POGZ: variants seen among roughly 807,000 people sequenced by gnomAD.
The protein encoded by POGZ is pogo transposable element derived with ZNF domain, also known as pogo transposable element with ZNF domain.
In POGZ, 17 loss-of-function variants were observed where a neutral mutation model predicts 134.6. That is an observed-to-expected ratio of 0.13 (90% CI 0.09 to 0.19). POGZ has a LOEUF of 0.19. Among genes scored for constraint, POGZ ranks in the 10% least tolerant of loss-of-function variants. The probability of loss-of-function intolerance (pLI) is 1.00; values close to 1 mark genes in which losing one functional copy is unlikely to be tolerated. For missense variants in POGZ, 1,306 were observed against 1,769.7 expected, an observed-to-expected ratio of 0.74 and a Z score of 4.70; for synonymous variants, 693 against 657.1, an observed-to-expected ratio of 1.05 and a Z score of -0.84.
chr1:151,406,610 G>A lies in POGZ; in HGVS notation c.2567C>T (p.Ser856Leu). ...TTGTGAGGTGAGTTTTTGTTACCTT[G>A]AGTGAGCTATCCAAGTGAGTCCTAT... ...LPRGLTWIAH[S>L]RHGQTRDRVH... The change falls in exon 18 of 19, where the codon TCA becomes TTA. Residue 856 changes from serine (S) to leucine (L), a missense_variant. By Grantham distance (145) the Ser-to-Leu change is moderately radical (BLOSUM62 -2). Around this residue, in one of 10 missense-constraint regions of POGZ, gnomAD observed 214 missense variants for 255.5 expected, o/e 0.84. Transcript: ENST00000271715. 6.2e-7 allele frequency: 1 copy of A among 1,610,582 alleles called. No homozygotes were observed. Among genetic ancestry groups the A allele is most frequent in the Non-Finnish European group, 8.5e-7 (1 of 1,179,016 alleles).
intron 3 of POGZ, among the ~76,000 whole-genome samples, chr1:151,437,923 C>T (rs1659896580): frequency 6.6e-6 from 1 of 151,490 alleles, no homozygotes; most frequent in African/African-American, 2.4e-5. Flanking sequence ...TTCAAGAGTT[C>T]CTAGGCTGGG....
intron 1 of POGZ, among the ~76,000 whole-genome samples, chr1:151,445,919 T>C (rs1210647698): frequency 1.3e-5 from 2 of 152,152 alleles, no homozygotes; most frequent in Non-Finnish European, 2.9e-5. Context: ...TGTAGTTTTC[T>C]AGTTATCAAA....
chr1:151,418,392 G>A (rs1035411821), intron 10 of POGZ, among the ~76,000 whole-genome samples: 11 of 151,988 alleles, frequency 7.2e-5, no homozygotes, highest in African/African-American at 2.4e-4. Flanking sequence ...AAAAAAAGTA[G>A]ATCTCATGGA....
Position 151,455,894 on chromosome 1 carries a change from C to CTTTT in POGZ, c.-2+3254_-2+3257dup, listed in dbSNP as rs768038263. Among the ~76,000 whole-genome samples, 383 of 117,346 alleles carry CTTTT rather than the reference C, an allele frequency of 3.3e-3. 2 individuals are homozygous for CTTTT. The highest frequency in any genetic ancestry group is 0.011 in the African/African-American group (331 of 30,376). 77.0% of individuals were successfully genotyped at this position (117,346 alleles called of 152,430 possible). ...AAACTCAACAAACGGTAGTTTCTTT[C>CTTTT]TTTTTTTTTTTTTTTTTTTTTTTTA... On this transcript the variant is annotated intron_variant, in intron 1 of 18. Coordinates refer to ENST00000271715, the MANE Select transcript of POGZ (RefSeq NM_015100.4).
At chr1:151,432,353 G>A (rs1476132743) in intron 3 of POGZ, among the ~76,000 whole-genome samples, 1 of 152,128 alleles carries the variant, frequency 6.6e-6, no homozygotes, top group East Asian at 1.9e-4. Flanking sequence ...TAGGTATGTA[G>A]GTGGCTACTA....
At chr1:151,426,765 C>CT (rs1354383145) in intron 7 of POGZ, 4 of 152,052 alleles carry the variant, frequency 2.6e-5, no homozygotes, top group Admixed American at 1.3e-4. Context: ...TATCATGAAG[C>CT]TTTTTGTCCT....
intron 7 of POGZ, among the ~76,000 whole-genome samples, chr1:151,425,766 C>T (rs1657665366): frequency 6.6e-6 from 1 of 152,158 alleles, no homozygotes; most frequent in South Asian, 2.1e-4. Context: ...AGTTGATGGA[C>T]CTCTGTGTTG....
chr1:151,411,545 C>G, intron 12 of POGZ, 80 bp downstream of exon 12: 2 of 980,374 alleles, frequency 2.0e-6, no homozygotes, highest in Non-Finnish European at 3.1e-6. Context: ...AATTATTTGC[C>G]TAGCTCAGCC....
At chr1:151,435,147 G>A (rs920438531) in intron 3 of POGZ, among the ~76,000 whole-genome samples, 1 of 152,074 alleles carries the variant, frequency 6.6e-6, no homozygotes, top group African/African-American at 2.4e-5. Flanking sequence ...CGATCTGCCC[G>A]CCTCAAGCCT....
intron 1 of POGZ, among the ~76,000 whole-genome samples, chr1:151,456,557 T>A (rs1662798081): frequency 6.6e-6 from 1 of 152,246 alleles, no homozygotes; most frequent in African/African-American, 2.4e-5. Flanking sequence ...TTTTCCTTCA[T>A]GACAACAATC....
At chr1:151,427,701 C>T in intron 7 of POGZ, 122 bp downstream of exon 7, 1 of 709,628 alleles carries the variant, frequency 1.4e-6, no homozygotes, top group Non-Finnish European at 2.3e-6. Flanking sequence ...TCTGTAAGAA[C>T]AAACTACAGC....
In POGZ at chr1:151,406,024, C is replaced by T. The variant is rs774729338; in HGVS notation, c.3011G>A (p.Arg1004His). The change falls in exon 19 of 19, where the codon CGC (arginine) becomes CAC (histidine). Residue 1004 changes from arginine (R) to histidine (H), a missense_variant. Arg to His is a conservative substitution (Grantham distance 29). Transcript: ENST00000271715. ...GGCCTGGAAACGTCGAAGCCAACGGCGAATACGTCGCTGGGGATTTCGGAA... is the reference window on the plus strand; with the variant it reads ...GGCCTGGAAACGTCGAAGCCAACGGTGAATACGTCGCTGGGGATTTCGGAA... ...EHFRNPQRRI[R>H]RWLRRFQASQ... 15 of 1,614,218 alleles carry T rather than the reference C, an allele frequency of 9.3e-6. No individual in the cohort carries two copies. Among genetic ancestry groups the T allele is most frequent in the African/African-American group, 1.3e-5 (1 of 75,052 alleles).
At chr1:151,446,037 G>A (rs191268444) in intron 1 of POGZ, among the ~76,000 whole-genome samples, 9 of 138,010 alleles carry the variant, frequency 6.5e-5, no homozygotes, top group Admixed American at 3.8e-4. Flanking sequence ...ATGGCATACC[G>A]TCTTTCAACT....
Position 151,448,889 on chromosome 1 carries a change from C to T in POGZ, c.-1-6684G>A, listed in dbSNP as rs569616671. 7.2e-4 allele frequency among the ~76,000 whole-genome samples: 109 copies of T among 151,738 alleles called. 1 individual carries two copies. Among genetic ancestry groups the T allele is most frequent in the Admixed American group, 1.8e-3 (27 of 15,152 alleles). On this transcript the variant is annotated intron_variant, in intron 1 of 18. Transcript: ENST00000271715. ...TCAAAAACAAACAAACAAACAAACA[C>T]GCAAACAAACAAAACTATCTTTCCT...
chr1:151,438,284 GATAT>G (rs551259506), intron 3 of POGZ, among the ~76,000 whole-genome samples: 80 of 151,854 alleles, frequency 5.3e-4, no homozygotes, highest in Non-Finnish European at 1.0e-3. Flanking sequence ...TTTTTATATA[GATAT>G]ATAAAGTAAA....
chr1:151,410,202 A>G (rs957499513), intron 12 of POGZ, among the ~76,000 whole-genome samples: 14 of 152,380 alleles, frequency 9.2e-5, no homozygotes, highest in African/African-American at 3.4e-4. Flanking sequence ...TAAGGAAAAT[A>G]AAAGCAATAA....
rs1553226945 is a variant in POGZ at position 151,429,731 on chromosome 1, G to A, written c.460-20C>T. Reference sequence around the variant, plus strand: ...AAATCCCTGTATTAAAAAGCAAAATGATCTTTAACATGGAGACCAATTAAC... The same window carrying A: ...AAATCCCTGTATTAAAAAGCAAAATAATCTTTAACATGGAGACCAATTAAC... On this transcript the variant is annotated intron_variant, in intron 4 of 18. Transcript: ENST00000271715. 1.4e-6 allele frequency: 2 copies of A among 1,439,312 alleles called. No homozygotes were observed. The highest frequency in any genetic ancestry group is 2.3e-5 in the East Asian group (1 of 43,942). 89.2% of individuals were successfully genotyped at this position (1,439,312 alleles called of 1,614,324 possible). A position where few individuals can be genotyped will look rare whatever the true frequency, so the allele number is the denominator to read the frequency against.
chr1:151,439,390 G>A (rs1660153435), intron 3 of POGZ, among the ~76,000 whole-genome samples: 1 of 151,984 alleles, frequency 6.6e-6, no homozygotes, highest in Non-Finnish European at 1.5e-5. Flanking sequence ...GAAAACCTTT[G>A]GAAATCATGG....
rs929723554 is a variant in POGZ, at chr1:151,441,016, G to C, written c.195C>G (p.Leu65=). Reference sequence around the variant, plus strand: ...TGCTACTAACGGTGGTGGATGTAGAGAGGTGCCCAGCAACAGAAGCATGGG... The same window carrying C: ...TGCTACTAACGGTGGTGGATGTAGACAGGTGCCCAGCAACAGAAGCATGGG... The part of the protein sequence containing the change: ...IAAHASVAGH[L]STSTTVSSSG... Residue 65 remains leucine, a synonymous_variant, in exon 3 of 19, where the codon CTC becomes CTG. Coordinates refer to ENST00000271715, the MANE Select transcript of POGZ (RefSeq NM_015100.4). The C allele has an allele frequency of 1.2e-6, 2 of 1,613,852 alleles. No homozygotes were observed. The highest frequency in any genetic ancestry group is 2.7e-5 in the African/African-American group (2 of 74,912).
Sources: gnomAD v4.1 joint callset for allele counts (sites outside exome capture counted in the v4.1 genomes callset) on GRCh38, gnomAD v4.1.1 for gene constraint, gnomAD v4.1.1 regional missense constraint, MANE v1.5 for transcripts, NCBI Gene and HGNC (gene_info 2026-07-23, HGNC 2026-07-21) for gene names.